Variants in ARMH4 observed in about 807,000 individuals in gnomAD.
ARMH4 encodes armadillo-like helical domain-containing protein 4.
A neutral mutation model predicts 61.9 loss-of-function variants in ARMH4; 49 were observed. The ratio of observed to expected loss-of-function variants is 0.79; its 90% CI spans 0.63 to 1.00. The LOEUF (loss-of-function observed/expected upper bound fraction) is 1.00. ARMH4 is among the 50% of genes least tolerant of loss of function. The probability of loss-of-function intolerance (pLI) is 0.00; values close to 1 mark genes in which losing one functional copy is unlikely to be tolerated. For missense variants in ARMH4, 934 were observed against 930.0 expected, an observed-to-expected ratio of 1.00 and a Z score of -0.06; for synonymous variants, 368 against 341.5, an observed-to-expected ratio of 1.08 and a Z score of -0.85.
At chr14:58,053,575 C>T (rs1441399946) in intron 5 of ARMH4, among the ~76,000 whole-genome samples, 1 of 152,242 alleles carries the variant, frequency 6.6e-6, no homozygotes, top group Non-Finnish European at 1.5e-5. Context: ...CTCTGACCCC[C>T]ATCAGGCCAA....
At chr14:58,150,199 A>C (rs1887876553) in intron 1 of ARMH4, among the ~76,000 whole-genome samples, 1 of 152,222 alleles carries the variant, frequency 6.6e-6, no homozygotes, top group Non-Finnish European at 1.5e-5. Context: ...ATTTAAAGGG[A>C]AGCTGAAACT....
At chr14:58,083,084 T>G (rs945548032) in intron 5 of ARMH4, among the ~76,000 whole-genome samples, 1 of 152,168 alleles carries the variant, frequency 6.6e-6, no homozygotes, top group African/African-American at 2.4e-5. Flanking sequence ...AAAGAATAAC[T>G]GAGTGACAGT....
chr14:58,021,578 A>G (rs1024682035), intron 5 of ARMH4, among the ~76,000 whole-genome samples: 42 of 152,248 alleles, frequency 2.8e-4, no homozygotes, highest in Non-Finnish European at 3.8e-4. Flanking sequence ...AACACGACCA[A>G]TATAGTGTTT....
chr14:58,040,260 C>A (rs1184893804), intron 5 of ARMH4, among the ~76,000 whole-genome samples: 1 of 152,036 alleles, frequency 6.6e-6, no homozygotes, highest in Non-Finnish European at 1.5e-5. Context: ...GATTGTCACT[C>A]AGGTATTAAA....
intron 5 of ARMH4, among the ~76,000 whole-genome samples, chr14:58,059,230 GA>G (rs1884451951): frequency 6.6e-6 from 1 of 152,378 alleles, no homozygotes; most frequent in East Asian, 1.9e-4. Flanking sequence ...GGCATCTTCA[GA>G]AACAGGAGAA....
Position 58,133,337 on chromosome 14 carries a change from G to A in ARMH4, c.1374C>T (p.Ile458=), listed in dbSNP as rs1241862790. The A allele has an allele frequency of 3.1e-6, 5 of 1,612,070 alleles. No individual in the cohort carries two copies. The highest frequency in any genetic ancestry group is 1.7e-5 in the Admixed American group (1 of 59,788). ...CAGCTGTTGTCATCTCTTGAGTGAT[G>A]ATGTCTTAAAGGGGGGAAAACATTT... ...DQLLGNTMKD[I]ITQEMTTAVQ... is the part of the protein sequence containing the mutation. Residue 458 remains isoleucine (I), a synonymous_variant, in exon 3 of 8, where the codon ATC becomes ATT. Coordinates refer to ENST00000267485, the MANE Select transcript of ARMH4 (RefSeq NM_001001872.4).
chr14:58,003,973 A>C lies in ARMH4; in HGVS notation c.*763T>G, dbSNP rs529836409. ...AAATCAACTAGCACACAAAAAGAATATCTCTTAATCATAAACATGTATGAC... is the reference window on the plus strand; with the variant it reads ...AAATCAACTAGCACACAAAAAGAATCTCTCTTAATCATAAACATGTATGAC... On this transcript the variant is annotated 3_prime_UTR_variant, in exon 8 of 8. Transcript: ENST00000267485. 1.3e-5 allele frequency: 2 copies of C among 152,340 alleles called. No homozygotes were observed. Among genetic ancestry groups the C allele is most frequent in the African/African-American group, 4.8e-5 (2 of 41,576 alleles). 9.4% of individuals were successfully genotyped at this position (152,340 alleles called of 1,614,324 possible).
At chr14:58,106,832 A>G (rs1405444376) in intron 4 of ARMH4, among the ~76,000 whole-genome samples, 1 of 152,186 alleles carries the variant, frequency 6.6e-6, no homozygotes, top group Non-Finnish European at 1.5e-5. Context: ...GGATGCTCAA[A>G]TATCACAGCA....
At chr14:58,071,046 C>G (rs1392678178) in intron 5 of ARMH4, among the ~76,000 whole-genome samples, 4 of 151,782 alleles carry the variant, frequency 2.6e-5, no homozygotes, top group African/African-American at 9.7e-5. Context: ...TATAGTCCTA[C>G]TAGCCTTGAG....
At chr14:58,088,089 A>G (rs1295074249) in intron 5 of ARMH4, among the ~76,000 whole-genome samples, 1 of 152,188 alleles carries the variant, frequency 6.6e-6, no homozygotes, top group African/African-American at 2.4e-5. Flanking sequence ...TTTATAACCT[A>G]CGTCATGCTA....
Position 58,138,691 on chromosome 14 carries a change from T to C in ARMH4, c.668A>G (p.Glu223Gly), listed in dbSNP as rs747775767. The C allele has an allele frequency of 6.2e-7, 1 of 1,614,164 alleles. No individual in the cohort carries two copies. Residue 223 changes from glutamate (E) to glycine (G), a missense_variant, in exon 2 of 8, where the codon GAG becomes GGG. By Grantham distance (98) the Glu-to-Gly change is moderately conservative. Transcript: ENST00000267485. Reference protein sequence around the residue: ...KEMLTTNPKTEKFEADTDHRT... With the variant: ...KEMLTTNPKTGKFEADTDHRT... ...GTGGTCTGTGTCTGCTTCAAATTTC[T>C]CAGTCTTTGGATTGGTGGTTAGCAT...
At chr14:58,115,917 G>C (rs1886502202) in intron 4 of ARMH4, among the ~76,000 whole-genome samples, 6 of 152,056 alleles carry the variant, frequency 3.9e-5, no homozygotes, top group Admixed American at 1.3e-4. Context: ...GAGGGTGGAG[G>C]GTGGAAGGAG....
At chr14:58,040,535 G>A (rs1883654375) in intron 5 of ARMH4, among the ~76,000 whole-genome samples, 1 of 152,196 alleles carries the variant, frequency 6.6e-6, no homozygotes, top group African/African-American at 2.4e-5. Flanking sequence ...TGGTGTATAT[G>A]TAGCATATTT....
At chr14:58,018,468 CAA>C (rs71107905) in intron 5 of ARMH4, among the ~76,000 whole-genome samples, 117 of 143,472 alleles carry the variant, frequency 8.2e-4, no homozygotes, top group African/African-American at 2.2e-3. Flanking sequence ...AGACATTTCT[CAA>C]AAAAAAAAAA....
chr14:58,054,883 A>T (rs56336409), intron 5 of ARMH4, among the ~76,000 whole-genome samples: 50,138 of 138,248 alleles, frequency 0.36, 10,137 homozygotes, highest in East Asian at 0.7. Flanking sequence ...AAAAAAAAAA[A>T]AATAATAATA....
intron 5 of ARMH4, among the ~76,000 whole-genome samples, chr14:58,032,380 G>A (rs957555473): frequency 2.6e-5 from 4 of 152,130 alleles, no homozygotes; most frequent in Admixed American, 6.6e-5. Flanking sequence ...TAGTCTTCCT[G>A]AATACTATCT....
At chr14:58,027,609 CAT>C (rs1328929212) in intron 5 of ARMH4, among the ~76,000 whole-genome samples, 2 of 151,488 alleles carry the variant, frequency 1.3e-5, no homozygotes, top group Non-Finnish European at 2.9e-5. Flanking sequence ...AACTAATTAA[CAT>C]ATCTATTAAC....
At chr14:58,075,904 T>C (rs1463279701) in intron 5 of ARMH4, among the ~76,000 whole-genome samples, 1 of 152,156 alleles carries the variant, frequency 6.6e-6, no homozygotes, top group African/African-American at 2.4e-5. Context: ...ACTATCTATA[T>C]CTTAGGGTTA....
At chr14:58,103,519 C>T (rs1447475398) in intron 4 of ARMH4, among the ~76,000 whole-genome samples, 1 of 151,684 alleles carries the variant, frequency 6.6e-6, no homozygotes, top group African/African-American at 2.4e-5. Flanking sequence ...CAACTCCCGC[C>T]CCCCCCAAAA....
Sources: gnomAD v4.1 joint callset for allele counts (sites outside exome capture counted in the v4.1 genomes callset) on GRCh38, gnomAD v4.1.1 for gene constraint, MANE v1.5 for transcripts, NCBI Gene and HGNC (gene_info 2026-07-23, HGNC 2026-07-21) for gene names.